Variants in KMT2C observed in about 807,000 individuals in gnomAD.
KMT2C encodes lysine methyltransferase 2C, also known as histone-lysine N-methyltransferase 2C.
In KMT2C, 88 loss-of-function variants were observed where a neutral mutation model predicts 507.9. The ratio of observed to expected loss-of-function variants is 0.17; its 90% CI spans 0.15 to 0.21. The LOEUF (loss-of-function observed/expected upper bound fraction) is 0.21, where lower values mean the gene tolerates loss of function less well. Ranked by LOEUF, KMT2C falls within the 10% of genes least tolerant of loss-of-function variation. The pLI is 1.00. For synonymous variants in KMT2C, 2,049 were observed against 2,080.8 expected (o/e 0.98, Z 0.42); for missense variants, 4,954 against 5,957.8 (o/e 0.83, Z 5.55).
rs778302681 is a variant in KMT2C at position 152,154,457 on chromosome 7, T to C, written c.11961-12A>G. 6.2e-7 allele frequency: 1 copy of C among 1,609,840 alleles called. No individual in the cohort carries two copies. The highest frequency in any genetic ancestry group is 1.7e-5 in the Admixed American group (1 of 59,998). ...AGTGATCCTGTATCCTGAAAAAACA[T>C]AAACACACACATCAAAGTCTGCAAA... On this transcript the variant is annotated splice_polypyrimidine_tract_variant and intron_variant, in intron 46 of 58. Coordinates refer to ENST00000262189, the MANE Select transcript of KMT2C (RefSeq NM_170606.3).
intron 1 of KMT2C, 95 bp from the exon 2 acceptor site, chr7:152,358,770 T>C (rs2097172870): frequency 3.9e-6 from 3 of 765,430 alleles, no homozygotes; most frequent in Non-Finnish European, 6.5e-6. Flanking sequence ...TTTGAAGGTA[T>C]ACAAAATAAG....
chr7:152,229,643 C>T (rs985348640), intron 18 of KMT2C, among the ~76,000 whole-genome samples: 1 of 152,046 alleles, frequency 6.6e-6, no homozygotes, highest in African/African-American at 2.4e-5. Context: ...ATTAGCTAAA[C>T]CTAAAATCTT....
At chr7:152,388,000 T>C (rs1254052332) in intron 1 of KMT2C, among the ~76,000 whole-genome samples, 1 of 151,664 alleles carries the variant, frequency 6.6e-6, no homozygotes, top group African/African-American at 2.4e-5. Context: ...AGCTCTATCA[T>C]TTACAGTAAT....
chr7:152,332,892 AAATTATTCTCGT>A (rs2096897486), intron 2 of KMT2C, among the ~76,000 whole-genome samples: 1 of 151,262 alleles, frequency 6.6e-6, no homozygotes, highest in African/African-American at 2.4e-5. Context: ...ACACACACAC[AAATTATTCTCGT>A]CAACACCACC....
Position 152,290,220 on chromosome 7 carries a change from A to ATATG in KMT2C, c.850-16354_850-16353insCATA, listed in dbSNP as rs1554617001. Among the ~76,000 whole-genome samples the ATATG allele has an allele frequency of 6.6e-4, 57 of 86,292 alleles. 1 individual carries two copies. In the Middle Eastern group the frequency reaches 0.019, roughly 29 times the overall value. 56.6% of individuals were successfully genotyped at this position (86,292 alleles called of 152,430 possible). A position where few individuals can be genotyped will look rare whatever the true frequency, so the allele number is the denominator to read the frequency against. ...GTAGTCTAATAAATTTTATATATAT[A>ATATG]TGTGTGTGTGTGTGTGTGTGTGTGT... On this transcript the variant is annotated intron_variant, in intron 6 of 58. Transcript: ENST00000262189.
chr7:152,249,007 A>G (rs991923129), intron 13 of KMT2C, among the ~76,000 whole-genome samples: 15 of 152,120 alleles, frequency 9.9e-5, no homozygotes, highest in Non-Finnish European at 1.8e-4. Context: ...GATGTAACAA[A>G]GTTACTATAG....
intron 1 of KMT2C, among the ~76,000 whole-genome samples, chr7:152,396,403 A>C (rs566638858): frequency 6.6e-6 from 1 of 152,348 alleles, no homozygotes; most frequent in South Asian, 2.1e-4. Flanking sequence ...TGTGAGGATT[A>C]AATAAATTAA....
chr7:152,315,541 A>G (rs2129202922), intron 3 of KMT2C, among the ~76,000 whole-genome samples: 1 of 152,374 alleles, frequency 6.6e-6, no homozygotes, highest in South Asian at 2.1e-4. Flanking sequence ...CTACTTTTCC[A>G]TAGCATTTTA....
intron 4 of KMT2C, chr7:152,312,148 C>A: frequency 2.7e-6 from 1 of 370,640 alleles, no homozygotes; most frequent in Non-Finnish European, 4.8e-6. Flanking sequence ...GTATAAGTAA[C>A]AAGTAAGAAA....
In KMT2C at chr7:152,139,727, G is replaced by T; in HGVS notation, c.14408C>A (p.Thr4803Asn). 6.2e-7 allele frequency: 1 copy of T among 1,614,052 alleles called. No individual in the cohort carries two copies. The highest frequency in any genetic ancestry group is 8.5e-7 in the Non-Finnish European group (1 of 1,180,000). Residue 4803 changes from threonine (T) to asparagine (N), a missense_variant, in exon 56 of 59, where the codon ACT becomes AAT. This residue lies in a region of KMT2C where 133 missense variants were observed against 258.9 expected (regional missense o/e 0.51). Transcript: ENST00000262189. ...GTTGGCTACTTCGTTTCGAATGATA[G>T]TCCCGATGTACTCAATGACCATGGT... The part of the protein sequence containing the change: ...KHTMVIEYIG[T>N]IIRNEVANRK...
intron 9 of KMT2C, among the ~76,000 whole-genome samples, chr7:152,257,537 C>G (rs374256078): frequency 9.2e-5 from 14 of 152,124 alleles, no homozygotes; most frequent in African/African-American, 2.9e-4. Flanking sequence ...TTACTGAGAG[C>G]AAACTGAAGC....
rs186556229 is a variant in KMT2C at position 152,169,857 on chromosome 7, A to T, written c.9454-608T>A. ...GGATCCTGTTCCCAAAAAAATAAAA[A>T]AAATAAATAAAAAGTATTTAATTCG... On this transcript the variant is annotated intron_variant, in intron 40 of 58. Coordinates refer to ENST00000262189, the MANE Select transcript of KMT2C (RefSeq NM_170606.3). Among the ~76,000 whole-genome samples the T allele has an allele frequency of 3.5e-4, 54 of 152,338 alleles. 1 individual carries two copies. The highest frequency in any genetic ancestry group is 1.2e-3 in the East Asian group (6 of 5,184).
At position 152,177,228 on chromosome 7, in the gene KMT2C, T is replaced by A. The variant is rs2129114441; in HGVS notation, c.8225A>T (p.Asp2742Val). The stretch of plus-strand genomic sequence containing the variant: ...CCTTAAGAGGTCATCCAGGTTGGGA[T>A]CATTAGTTTCCAAATTATCTAAAGT... Reference protein sequence around the residue: ...LDTLDNLETNDPNLDDLLRSG... With the variant: ...LDTLDNLETNVPNLDDLLRSG... Residue 2742 changes from aspartate (D) to valine (V), a missense_variant, in exon 38 of 59, where the codon GAT (aspartate) becomes GTT (valine). Around this residue, in one of 29 missense-constraint regions of KMT2C, gnomAD observed 1,689 missense variants for 1,654.3 expected, o/e 1.02. Transcript: ENST00000262189. 6.2e-7 allele frequency: 1 copy of A among 1,613,892 alleles called. No individual in the cohort carries two copies. The highest frequency in any genetic ancestry group is 8.5e-7 in the Non-Finnish European group (1 of 1,179,916).
rs754389616 is a variant in KMT2C, at chr7:152,163,038, A to C, written c.10539T>G (p.Pro3513=). The C allele has an allele frequency of 6.2e-7, 1 of 1,614,230 alleles. No homozygotes were observed. Among genetic ancestry groups the C allele is most frequent in the Non-Finnish European group, 8.5e-7 (1 of 1,180,038 alleles). ...QTNERRQVGP[P]SFVPDSPSIP... is the part of the protein sequence containing the mutation. ...TTGATGGTGAATCAGGAACAAATGA[A>C]GGAGGGCCTACCTGCCTTCGCTCAT... The change falls in exon 43 of 59, where the codon CCT becomes CCG. Residue 3513 remains proline (P), a synonymous_variant. Coordinates refer to ENST00000262189, the MANE Select transcript of KMT2C (RefSeq NM_170606.3).
chr7:152,428,039 A>C (rs958444723), intron 1 of KMT2C, among the ~76,000 whole-genome samples: 7 of 152,178 alleles, frequency 4.6e-5, no homozygotes, highest in African/African-American at 1.2e-4. Flanking sequence ...TTTTTTTAAT[A>C]ATAGGCATCA....
chr7:152,152,746 C>T lies in KMT2C; in HGVS notation c.12485G>A (p.Arg4162Gln), dbSNP rs144883836. 35 of 1,614,186 alleles carry T rather than the reference C, an allele frequency of 2.2e-5. No homozygotes were observed. The African/African-American group carries it at 3.1e-4, about 14-fold the overall frequency. The change falls in exon 49 of 59, where the codon CGG becomes CAG. Residue 4162 changes from arginine to glutamine, a missense_variant. Arg to Gln is a conservative substitution (Grantham distance 43). Transcript: ENST00000262189. ...AAATGGTACATTAGGCTGCTTCAGC[C>T]GGTAAGAGCTCACTAATCTGGGAGG... is the stretch of plus-strand genomic sequence containing the variant. ...ANPPRLVSSY[R>Q]LKQPNVPFPP...
At chr7:152,421,843 T>C (rs758583453) in intron 1 of KMT2C, among the ~76,000 whole-genome samples, 1 of 152,060 alleles carries the variant, frequency 6.6e-6, no homozygotes, top group Non-Finnish European at 1.5e-5. Context: ...CGACACGCAA[T>C]GTGCCCATGT....
At chr7:152,289,735 T>C (rs1212719264) in intron 6 of KMT2C, among the ~76,000 whole-genome samples, 1 of 152,150 alleles carries the variant, frequency 6.6e-6, no homozygotes, top group East Asian at 1.9e-4. Flanking sequence ...ATGAGATCAG[T>C]GGATTATAAC....
intron 9 of KMT2C, among the ~76,000 whole-genome samples, chr7:152,259,442 A>G (rs1172163423): frequency 2.6e-4 from 31 of 118,072 alleles, no homozygotes; most frequent in Middle Eastern, 4.0e-3. Context: ...AGACACACAC[A>G]CGCGCACACA....
Sources: allele counts gnomAD v4.1 joint callset (sites outside exome capture counted in the v4.1 genomes callset), GRCh38; gene constraint gnomAD v4.1.1; regional missense constraint gnomAD v4.1.1; transcripts MANE v1.5; gene names NCBI Gene and HGNC (gene_info 2026-07-23, HGNC 2026-07-21).